The following DMXL2 variants were observed in gnomAD, a reference collection of about 807,000 sequenced individuals.
DMXL2 encodes the protein Dmx like 2.
DMXL2 carries 103 observed loss-of-function variants against 331.1 expected under a neutral mutation model. That is an observed-to-expected ratio of 0.31 (90% confidence interval 0.27 to 0.37). The LOEUF is 0.37. Among genes scored for constraint, DMXL2 ranks in the 10% least tolerant of loss-of-function variants. The pLI, the probability that DMXL2 is intolerant of heterozygous loss-of-function variation, is 1.00. For synonymous variants in DMXL2, 1,281 were observed against 1,252.1 expected, an observed-to-expected ratio of 1.02 and a Z score of -0.49; for missense variants, 3,171 against 3,642.9, an observed-to-expected ratio of 0.87 and a Z score of 3.33.
intron 3 of DMXL2, among the ~76,000 whole-genome samples, chr15:51,566,803 AT>A (rs1271103398): frequency 6.6e-6 from 1 of 152,132 alleles, no homozygotes; most frequent in Non-Finnish European, 1.5e-5. Context: ...TGCAATTTTG[AT>A]TATTTCTGAG....
At chr15:51,566,356 C>T (rs986822945) in intron 3 of DMXL2, among the ~76,000 whole-genome samples, 1 of 151,964 alleles carries the variant, frequency 6.6e-6, no homozygotes, top group African/African-American at 2.4e-5. Context: ...TTTTTAAACC[C>T]TACCACTGCT....
At chr15:51,608,198 T>C (rs1370196938) in intron 1 of DMXL2, among the ~76,000 whole-genome samples, 2 of 150,064 alleles carry the variant, frequency 1.3e-5, no homozygotes, top group African/African-American at 4.9e-5. Context: ...AAAAAAAGAA[T>C]GAAACAAAAT....
intron 6 of DMXL2, among the ~76,000 whole-genome samples, chr15:51,552,345 T>C (rs1368934440): frequency 6.6e-6 from 1 of 152,158 alleles, no homozygotes; most frequent in Non-Finnish European, 1.5e-5. Context: ...AAGAGACTAC[T>C]GTAAAGGTCT....
intron 24 of DMXL2, 21 bp from the exon 25 acceptor site, chr15:51,480,160 T>C: frequency 6.7e-7 from 1 of 1,490,052 alleles, no homozygotes; most frequent in Admixed American, 2.2e-5. Flanking sequence ...TAGTGAATTA[T>C]TTTTTTCAAA....
chr15:51,463,622 T>C, intron 32 of DMXL2, 126 bp from the exon 33 acceptor site: 3 of 591,080 alleles, frequency 5.1e-6, no homozygotes, highest in Non-Finnish European at 5.7e-6. Flanking sequence ...ACCTTCATAA[T>C]CTATTGCAAA....
Position 51,598,094 on chromosome 15 carries a change from T to G in DMXL2, c.88-21913A>C, listed in dbSNP as rs147296201. Among the ~76,000 whole-genome samples the G allele has an allele frequency of 2.3e-4, 35 of 152,328 alleles. No homozygotes were observed. The East Asian group carries it at 6.7e-3, about 29-fold the overall frequency. ...TGCATTTCACTTTTAATGCTATCTT[T>G]GAGGAAGTTCCTAATTTTAAAGTAG... On this transcript the variant is annotated intron_variant, in intron 1 of 43. Coordinates refer to ENST00000560891, the MANE Select transcript of DMXL2 (RefSeq NM_001378457.1).
chr15:51,608,314 A>G (rs563322585), intron 1 of DMXL2, among the ~76,000 whole-genome samples: 1 of 152,246 alleles, frequency 6.6e-6, no homozygotes, highest in Non-Finnish European at 1.5e-5. Flanking sequence ...TGTCCACTGC[A>G]GCACTATTCA....
At position 51,545,074 on chromosome 15, in the gene DMXL2, T is replaced by C. The variant is rs371984682; in HGVS notation, c.930+509A>G. On this transcript the variant is annotated intron_variant, in intron 8 of 43. Coordinates refer to ENST00000560891, the MANE Select transcript of DMXL2 (RefSeq NM_001378457.1). Reference sequence around the variant, plus strand: ...TTTAAAAATTATAAAAATTATTTCATTTTCAAAATCTTCAATCATGGAAAC... The same window carrying C: ...TTTAAAAATTATAAAAATTATTTCACTTTCAAAATCTTCAATCATGGAAAC... 4.6e-5 allele frequency among the ~76,000 whole-genome samples: 7 copies of C among 152,208 alleles called. No homozygotes were observed. In the East Asian group the frequency reaches 7.7e-4, roughly 17 times the overall value.
intron 1 of DMXL2, among the ~76,000 whole-genome samples, chr15:51,604,135 ATAATT>A (rs1276446536): frequency 6.6e-5 from 10 of 152,040 alleles, no homozygotes; most frequent in Non-Finnish European, 1.5e-4. Context: ...CCACACATTA[ATAATT>A]TAAAGAAAAA....
chr15:51,566,229 T>G (rs12594155), intron 3 of DMXL2, among the ~76,000 whole-genome samples: 30 of 115,648 alleles, frequency 2.6e-4, no homozygotes, highest in African/African-American at 8.9e-4. Flanking sequence ...AATGTGTGTG[T>G]GGGGTGTGTG....
chr15:51,592,405 T>C (rs1389473619), intron 1 of DMXL2, among the ~76,000 whole-genome samples: 1 of 152,048 alleles, frequency 6.6e-6, no homozygotes, highest in Non-Finnish European at 1.5e-5. Context: ...CTCCAAGAAA[T>C]ATGGGACTAT....
intron 13 of DMXL2, among the ~76,000 whole-genome samples, chr15:51,532,888 A>G (rs2048085513): frequency 6.6e-6 from 1 of 152,216 alleles, no homozygotes; most frequent in Non-Finnish European, 1.5e-5. Flanking sequence ...ATTTATAATG[A>G]GATGATTATC....
chr15:51,594,626 G>A (rs1289172135), intron 1 of DMXL2, among the ~76,000 whole-genome samples: 1 of 152,070 alleles, frequency 6.6e-6, no homozygotes, highest in African/African-American at 2.4e-5. Context: ...GAGAATTTTA[G>A]ACCAATATCC....
intron 1 of DMXL2, among the ~76,000 whole-genome samples, chr15:51,596,840 A>G (rs575155490): frequency 1.3e-5 from 2 of 152,138 alleles, no homozygotes; most frequent in Admixed American, 6.6e-5. Flanking sequence ...CAAACACCGC[A>G]TGTTCTCACT....
At chr15:51,481,883 G>A (rs1246214175) in intron 23 of DMXL2, among the ~76,000 whole-genome samples, 1 of 152,124 alleles carries the variant, frequency 6.6e-6, no homozygotes, top group Non-Finnish European at 1.5e-5. Flanking sequence ...GAAAGTACAT[G>A]TAGTAAGCTA....
intron 9 of DMXL2, among the ~76,000 whole-genome samples, chr15:51,538,994 G>A (rs2048437505): frequency 6.6e-6 from 1 of 151,980 alleles, no homozygotes; most frequent in South Asian, 2.1e-4. Flanking sequence ...TGGATTGCCT[G>A]AGCTCAGGAG....
chr15:51,518,124 G>A (rs1406236871), intron 13 of DMXL2, among the ~76,000 whole-genome samples: 2 of 152,208 alleles, frequency 1.3e-5, no homozygotes, highest in South Asian at 2.1e-4. Context: ...CTGAGGTTAG[G>A]AGTTAAGAGA....
intron 6 of DMXL2, among the ~76,000 whole-genome samples, chr15:51,555,367 G>T (rs1385388522): frequency 6.6e-6 from 1 of 152,112 alleles, no homozygotes; most frequent in Admixed American, 6.5e-5. Flanking sequence ...GGAGTAGATT[G>T]AGGGGTTAGG....
intron 8 of DMXL2, among the ~76,000 whole-genome samples, chr15:51,544,796 G>A (rs972497287): frequency 2.0e-5 from 3 of 151,952 alleles, no homozygotes; most frequent in Admixed American, 2.0e-4. Context: ...CATATTCACA[G>A]GACTAGAATA....
Sources: gnomAD v4.1 joint callset for allele counts (sites outside exome capture counted in the v4.1 genomes callset) on GRCh38, gnomAD v4.1.1 for gene constraint, MANE v1.5 for transcripts, NCBI Gene and HGNC (gene_info 2026-07-23, HGNC 2026-07-21) for gene names.